The following PRR5 variants were observed in gnomAD, a reference collection of about 807,000 sequenced individuals.
The protein encoded by PRR5 is proline rich 5, also known as proline-rich protein 5.
A neutral mutation model predicts 30.6 loss-of-function variants in PRR5; 25 were observed. That is an observed-to-expected ratio of 0.82 (90% confidence interval 0.60 to 1.14). The LOEUF is 1.14. Ranked by LOEUF, PRR5 falls within the 50% of genes most tolerant of loss-of-function variation. PRR5 has a pLI of 0.00. For synonymous variants in PRR5, 286 were observed against 247.1 expected (o/e 1.16, Z -1.48); for missense variants, 600 against 547.1 (o/e 1.10, Z -0.96).
intron 2 of PRR5, among the ~76,000 whole-genome samples, chr22:44,718,794 T>C (rs954799323): frequency 1.3e-5 from 2 of 152,256 alleles, no homozygotes; most frequent in African/African-American, 4.8e-5. Context: ...TTAGATATCT[T>C]CTTTGGAGAA....
In PRR5 at chr22:44,671,208, G is replaced by A. The variant is rs375104975; in HGVS notation, c.-11+2403G>A. Among the ~76,000 whole-genome samples the A allele has an allele frequency of 1.6e-3, 237 of 152,278 alleles. 1 individual carries two copies. The highest frequency in any genetic ancestry group is 5.5e-3 in the African/African-American group (227 of 41,544). Reference sequence around the variant, plus strand: ...TCATCCTGAAGCCCAGAGGGGGGCCGCAGGGGGCCAGCGCTGAACAGGACC... The same window carrying A: ...TCATCCTGAAGCCCAGAGGGGGGCCACAGGGGGCCAGCGCTGAACAGGACC... On this transcript the variant is annotated intron_variant, in intron 1 of 8. Coordinates refer to the PRR5 transcript ENST00000432186.
intron 2 of PRR5, among the ~76,000 whole-genome samples, chr22:44,718,192 C>CTCTTTTTTTT (rs1555901074): frequency 1.1e-5 from 1 of 94,578 alleles, no homozygotes; most frequent in African/African-American, 4.3e-5. Context: ...TTTCATCTCT[C>CTCTTTTTTTT]TTTTTTTTTT....
chr22:44,731,868 C>G (rs1483273274), intron 5 of PRR5, 47 bp downstream of exon 5: 1 of 1,573,654 alleles, frequency 6.4e-7, no homozygotes, highest in Admixed American at 1.8e-5. Flanking sequence ...CCCTGCTGTG[C>G]CCACCCTGGC....
At chr22:44,675,685 A>G (rs1412697765), upstream of PRR5, among the ~76,000 whole-genome samples, 1 of 152,104 alleles carries the variant, frequency 6.6e-6, no homozygotes, top group East Asian at 1.9e-4. Flanking sequence ...TGGGAGGAGT[A>G]AACGAGGAGA....
chr22:44,713,635 G>A (rs1383117346), intron 1 of PRR5, among the ~76,000 whole-genome samples: 2 of 152,248 alleles, frequency 1.3e-5, no homozygotes, highest in East Asian at 3.8e-4. Context: ...CAGAGTGCTG[G>A]GATTACAGGC....
chr22:44,697,511 C>T (rs190326755), upstream of PRR5, among the ~76,000 whole-genome samples: 6 of 152,370 alleles, frequency 3.9e-5, no homozygotes, highest in Middle Eastern at 0.014. Context: ...CCAGGGTGTC[C>T]GGGACTGACC....
At chr22:44,679,872 G>A (rs1924109380) in intron 1 of PRR5, 1 of 1,583,996 alleles carries the variant, frequency 6.3e-7, no homozygotes. Context: ...GGCGCAGCCT[G>A]AGGGCTTGTA....
At chr22:44,718,810 T>C (rs1419043546) in intron 2 of PRR5, among the ~76,000 whole-genome samples, 1 of 152,248 alleles carries the variant, frequency 6.6e-6, no homozygotes, top group Non-Finnish European at 1.5e-5. Flanking sequence ...GAGAACTGTC[T>C]GTTCCCATCC....
Position 44,737,490 on chromosome 22 carries a change from G to A in PRR5, c.*243G>A. On this transcript the variant is annotated 3_prime_UTR_variant, in exon 8 of 8. Transcript: ENST00000336985. ...TTACCCAGGGGCCGGGCCAGAGACG[G>A]GGGTCGGCCGCTCGCTCCCACGCTC... 1 of 728,110 alleles carries A rather than the reference G, an allele frequency of 1.4e-6. No individual in the cohort carries two copies. Among genetic ancestry groups the A allele is most frequent in the Non-Finnish European group, 2.1e-6 (1 of 487,158 alleles). 45.1% of individuals were successfully genotyped at this position (728,110 alleles called of 1,614,324 possible).
In PRR5 at chr22:44,732,469, G is replaced by A. The variant is rs1464527687; in HGVS notation, c.555+78G>A. 5 of 1,538,936 alleles carry A rather than the reference G, an allele frequency of 3.2e-6. No homozygotes were observed. The African/African-American group carries it at 5.4e-5, about 17-fold the overall frequency. On this transcript the variant is annotated intron_variant, in intron 6 of 7. Coordinates refer to ENST00000336985, the MANE Select transcript of PRR5 (RefSeq NM_181333.4). ...GCTCAGGTCCCCACAGGCAGAGCAT[G>A]AGATGAGGATTTAGGGGCACGAGAC...
intron 2 of PRR5, among the ~76,000 whole-genome samples, chr22:44,715,021 A>G (rs1354783158): frequency 1.3e-5 from 2 of 152,190 alleles, no homozygotes; most frequent in East Asian, 1.9e-4. Flanking sequence ...CGTGAAGGAT[A>G]TTTATTCTGT....
chr22:44,730,362 G>C, intron 4 of PRR5: 1 of 984,854 alleles, frequency 1.0e-6, no homozygotes, highest in Non-Finnish European at 1.2e-6. Flanking sequence ...GACAGCAGAG[G>C]CCTTGGGGAC....
rs574005612 is a variant in PRR5, at chr22:44,730,195, G to A, written c.323-1535G>A. The A allele has an allele frequency of 3.0e-4, 299 of 985,432 alleles. 5 individuals are homozygous for A. In the South Asian group the frequency reaches 0.013, roughly 43 times the overall value. 61.0% of individuals were successfully genotyped at this position (985,432 alleles called of 1,614,324 possible). ...GGCAGGGCCCAGAGAGTGAGAAAAAGGCAAAGGTCCCTGTTCAGCCTCCGC... is the reference window on the plus strand; with the variant it reads ...GGCAGGGCCCAGAGAGTGAGAAAAAAGCAAAGGTCCCTGTTCAGCCTCCGC... On this transcript the variant is annotated intron_variant, in intron 4 of 7. Coordinates refer to ENST00000336985, the MANE Select transcript of PRR5 (RefSeq NM_181333.4).
rs375688714 is a variant in PRR5, at chr22:44,736,892, C to T, written c.812C>T (p.Ala271Val). 16 of 1,608,628 alleles carry T rather than the reference C, an allele frequency of 9.9e-6. No individual in the cohort carries two copies. The highest frequency in any genetic ancestry group is 1.3e-5 in the Non-Finnish European group (15 of 1,178,602). The stretch of plus-strand genomic sequence containing the variant: ...GTGCAGGAGCACGAGGCGGAGGGCG[C>T]GGCGGCCGGCGGTACCAGCATCCGC... The part of the protein sequence containing the change: ...NPVQEHEAEG[A>V]AAGGTSIRRH... Residue 271 changes from alanine to valine, a missense_variant, in exon 8 of 8, where the codon GCG (alanine) becomes GTG (valine). Coordinates refer to ENST00000336985, the MANE Select transcript of PRR5 (RefSeq NM_181333.4).
intron 2 of PRR5, among the ~76,000 whole-genome samples, chr22:44,717,876 C>CT (rs371597669): frequency 2.0e-5 from 3 of 151,608 alleles, no homozygotes; most frequent in Non-Finnish European, 2.9e-5. Context: ...CCACCACGAC[C>CT]GGCTAATTTT....
chr22:44,709,249 T>G (rs1420122659), intron 1 of PRR5, among the ~76,000 whole-genome samples: 1 of 152,140 alleles, frequency 6.6e-6, no homozygotes, highest in East Asian at 1.9e-4. Flanking sequence ...AGAAGCAGCC[T>G]GAGCAGATTT....
chr22:44,715,517 C>G (rs975824893), intron 2 of PRR5, among the ~76,000 whole-genome samples: 4 of 152,148 alleles, frequency 2.6e-5, no homozygotes, highest in South Asian at 2.1e-4. Context: ...CAATACATGC[C>G]GCTTGTTCAG....
chr22:44,688,813 C>G (rs1924982923), intron 1 of PRR5, among the ~76,000 whole-genome samples: 1 of 152,034 alleles, frequency 6.6e-6, no homozygotes, highest in African/African-American at 2.4e-5. Context: ...CATGGTGAAA[C>G]CCTGTCTCTC....
intron 2 of PRR5, among the ~76,000 whole-genome samples, chr22:44,724,957 G>A (rs1033876832): frequency 5.3e-5 from 8 of 152,168 alleles, no homozygotes; most frequent in East Asian, 1.9e-4. Flanking sequence ...GGTGTGAGAC[G>A]CAGAGGCCAC....
Sources: gnomAD v4.1 joint callset for allele counts (sites outside exome capture counted in the v4.1 genomes callset) on GRCh38, gnomAD v4.1.1 for gene constraint, MANE v1.5 for transcripts, NCBI Gene and HGNC (gene_info 2026-07-23, HGNC 2026-07-21) for gene names.